The following LRBA variants were observed in gnomAD, a reference collection of about 807,000 sequenced individuals.
LRBA encodes the protein lipopolysaccharide-responsive and beige-like anchor protein.
A neutral mutation model predicts 330.0 loss-of-function variants in LRBA; 176 were observed. That is an observed-to-expected ratio of 0.53 (90% CI 0.47 to 0.60). The LOEUF is 0.60. LRBA is among the 20% of genes least tolerant of loss of function. The pLI is 0.00. For synonymous variants in LRBA, 1,230 were observed against 1,193.0 expected (o/e 1.03, Z -0.64); for missense variants, 3,259 against 3,444.8 (o/e 0.95, Z 1.35).
intron 40 of LRBA, among the ~76,000 whole-genome samples, chr4:150,557,935 T>C (rs1767544225): frequency 1.3e-5 from 2 of 152,150 alleles, no homozygotes; most frequent in South Asian, 2.1e-4. Flanking sequence ...TCTCACTCTG[T>C]CACCCAGGCT....
intron 47 of LRBA, among the ~76,000 whole-genome samples, chr4:150,379,001 A>C (rs1275435672): frequency 6.6e-6 from 1 of 152,160 alleles, no homozygotes. Context: ...AAGCCACTAC[A>C]TTAAAATAGC....
chr4:150,339,804 TTAAC>T (rs1441452952), intron 48 of LRBA, among the ~76,000 whole-genome samples: 2 of 151,954 alleles, frequency 1.3e-5, no homozygotes, highest in African/African-American at 4.8e-5. Flanking sequence ...CAATATTTAA[TTAAC>T]TACTTCTCTA....
chr4:150,486,310 T>C (rs548432538), intron 42 of LRBA, among the ~76,000 whole-genome samples: 26 of 152,034 alleles, frequency 1.7e-4, no homozygotes, highest in South Asian at 1.2e-3. Flanking sequence ...TAAATGAGTA[T>C]TGCTTTTTTA....
intron 53 of LRBA, among the ~76,000 whole-genome samples, chr4:150,298,152 G>T (rs1199122615): frequency 6.6e-6 from 1 of 152,070 alleles, no homozygotes; most frequent in East Asian, 1.9e-4. Context: ...GAATTTATCA[G>T]TAGCTTCAGT....
intron 34 of LRBA, among the ~76,000 whole-genome samples, chr4:150,763,286 G>A (rs184774737): frequency 1.8e-3 from 274 of 152,014 alleles, no homozygotes; most frequent in Non-Finnish European, 2.8e-3. Flanking sequence ...TAGGCATATC[G>A]TGCTACATCT....
chr4:150,800,424 T>G (rs974289357), intron 33 of LRBA, among the ~76,000 whole-genome samples: 1 of 152,146 alleles, frequency 6.6e-6, no homozygotes, highest in African/African-American at 2.4e-5. Context: ...AGCAAAGAAA[T>G]AGAGGATAGC....
chr4:150,688,695 A>T lies in LRBA; in HGVS notation c.5755-4978T>A, dbSNP rs538249820. Among the ~76,000 whole-genome samples, 7 of 152,308 alleles carry T rather than the reference A, an allele frequency of 4.6e-5. No homozygotes were observed. In the South Asian group the frequency reaches 1.5e-3, roughly 32 times the overall value. ...CATTTATGCGGCCAACAAACATATG[A>T]AAAAAAGCTCATCATCACTGGTCAT... On this transcript the variant is annotated intron_variant, in intron 36 of 56. Coordinates refer to ENST00000651943, the MANE Select transcript of LRBA (RefSeq NM_001364905.1).
At chr4:150,368,450 G>A (rs1739808569) in intron 47 of LRBA, among the ~76,000 whole-genome samples, 1 of 152,162 alleles carries the variant, frequency 6.6e-6, no homozygotes, top group African/African-American at 2.4e-5. Context: ...CTGGCTAACA[G>A]TCTAACAAAA....
chr4:150,936,443 G>T (rs1169635668), intron 2 of LRBA, among the ~76,000 whole-genome samples: 1 of 151,822 alleles, frequency 6.6e-6, no homozygotes, highest in East Asian at 1.9e-4. Context: ...TAATTTAAAA[G>T]AATCCACACA....
chr4:150,611,331 A>C (rs578205347), intron 37 of LRBA, among the ~76,000 whole-genome samples: 4 of 152,206 alleles, frequency 2.6e-5, no homozygotes, highest in Non-Finnish European at 5.9e-5. Flanking sequence ...TAACAGTTGA[A>C]GAATTGAGGC....
At chr4:150,543,875 A>G (rs994542793) in intron 40 of LRBA, among the ~76,000 whole-genome samples, 9 of 152,140 alleles carry the variant, frequency 5.9e-5, no homozygotes, top group African/African-American at 2.2e-4. Flanking sequence ...AATATATTTT[A>G]TATATATTAA....
At position 150,584,127 on chromosome 4, in the gene LRBA, G is replaced by GA. The variant is rs752884805; in HGVS notation, c.6330+3920dup. On this transcript the variant is annotated intron_variant, in intron 40 of 56. Transcript: ENST00000651943. The stretch of plus-strand genomic sequence containing the variant: ...AACTATAGGGTGCTGGGGACTGCTT[G>GA]AAAAGCGACACAAACGGGCGTGCTC... 4 of 1,506,212 alleles carry GA rather than the reference G, an allele frequency of 2.7e-6. No homozygotes were observed. In the South Asian group the frequency reaches 5.5e-5, roughly 21 times the overall value. The allele number at this position is 1,506,212 out of a possible 1,614,324, so 93.3% of individuals were successfully genotyped here.
At chr4:150,521,049 AT>A (rs1192667754) in intron 40 of LRBA, among the ~76,000 whole-genome samples, 2 of 152,122 alleles carry the variant, frequency 1.3e-5, no homozygotes. Context: ...CCAATTTATT[AT>A]TTTCATGGCT....
chr4:150,685,733 C>A (rs1288792361), intron 36 of LRBA, among the ~76,000 whole-genome samples: 1 of 151,574 alleles, frequency 6.6e-6, no homozygotes, highest in Non-Finnish European at 1.5e-5. Flanking sequence ...CCGCGCCTGG[C>A]CAAGAATCAA....
intron 2 of LRBA, among the ~76,000 whole-genome samples, chr4:150,975,490 C>T (rs368121651): frequency 1.0e-4 from 15 of 148,272 alleles, no homozygotes; most frequent in African/African-American, 3.5e-4. Flanking sequence ...CGCACCACTG[C>T]ACTTCAGCCT....
Position 150,907,459 on chromosome 4 carries a change from T to C in LRBA, c.1493+875A>G, listed in dbSNP as rs529430979. The stretch of plus-strand genomic sequence containing the variant: ...TTAATATGTCAGGGTAATTTAATTT[T>C]ATATTTTTTAAAATATAAGTTGACA... On this transcript the variant is annotated intron_variant, in intron 11 of 56. Transcript: ENST00000651943. 3.9e-5 allele frequency among the ~76,000 whole-genome samples: 6 copies of C among 152,268 alleles called. No homozygotes were observed. The East Asian group carries it at 1.2e-3, about 29-fold the overall frequency.
chr4:150,758,427 C>T (rs1313520945), intron 35 of LRBA, among the ~76,000 whole-genome samples: 3 of 152,152 alleles, frequency 2.0e-5, no homozygotes, highest in African/African-American at 7.2e-5. Context: ...ACATCCAAGC[C>T]ATTAGAATAT....
chr4:150,311,104 T>C (rs1182053651), intron 51 of LRBA: 1 of 151,854 alleles, frequency 6.6e-6, no homozygotes, highest in East Asian at 1.9e-4. Context: ...AAGAAAAAGG[T>C]CAGACATAGA....
intron 4 of LRBA, among the ~76,000 whole-genome samples, chr4:150,927,842 A>G (rs898254666): frequency 3.3e-5 from 5 of 152,212 alleles, no homozygotes; most frequent in Admixed American, 1.3e-4. Flanking sequence ...AATGAAAAAG[A>G]GTAATTGTAG....
Sources: gnomAD v4.1 joint callset for allele counts (sites outside exome capture counted in the v4.1 genomes callset) on GRCh38, gnomAD v4.1.1 for gene constraint, MANE v1.5 for transcripts, NCBI Gene and HGNC (gene_info 2026-07-23, HGNC 2026-07-21) for gene names.